Variants in ZNF423 observed in about 807,000 individuals in gnomAD.
The protein encoded by ZNF423 is zinc finger protein 423.
In ZNF423, 12 loss-of-function variants were observed where a neutral mutation model predicts 95.8. The ratio of observed to expected loss-of-function variants is 0.13; its 90% CI spans 0.08 to 0.20. The LOEUF is 0.20. Among genes scored for constraint, ZNF423 ranks in the 10% least tolerant of loss-of-function variants. ZNF423 has a pLI of 1.00. For synonymous variants in ZNF423, 749 were observed against 711.9 expected (o/e 1.05, Z -0.83); for missense variants, 1,316 against 1,737.1 (o/e 0.76, Z 4.31).
intron 5 of ZNF423, among the ~76,000 whole-genome samples, chr16:49,618,315 C>A (rs1971944910): frequency 6.6e-6 from 1 of 152,186 alleles, no homozygotes. Context: ...GAGTAAGCTT[C>A]ATTAGATGGT....
chr16:49,644,597 A>G (rs1223142897), intron 3 of ZNF423, among the ~76,000 whole-genome samples: 2 of 131,514 alleles, frequency 1.5e-5, no homozygotes, highest in Non-Finnish European at 3.1e-5. Flanking sequence ...CATGAGTTTG[A>G]GGCCGCAGTG....
intron 4 of ZNF423, among the ~76,000 whole-genome samples, chr16:49,631,189 C>T (rs1279224812): frequency 6.6e-6 from 1 of 152,178 alleles, no homozygotes; most frequent in East Asian, 1.9e-4. Flanking sequence ...CCGGTACTCC[C>T]AAATACGCCC....
intron 5 of ZNF423, among the ~76,000 whole-genome samples, chr16:49,530,444 GTCCC>G (rs903531759): frequency 4.6e-5 from 7 of 151,810 alleles, no homozygotes; most frequent in African/African-American, 1.7e-4. Flanking sequence ...CATTCCCTCC[GTCCC>G]TCCCTCCCTC....
intron 1 of ZNF423, among the ~76,000 whole-genome samples, chr16:49,815,866 CAAACAAAAAAAAA>C (rs1221666956): frequency 1.7e-5 from 1 of 57,928 alleles, no homozygotes; most frequent in African/African-American, 8.7e-5. Flanking sequence ...TAATTCCAAA[CAAACAAAAAAAAA>C]AAATATATAT....
At chr16:49,517,552 G>A (rs989020628) in intron 7 of ZNF423, among the ~76,000 whole-genome samples, 2 of 152,162 alleles carry the variant, frequency 1.3e-5, no homozygotes, top group Admixed American at 6.5e-5. Context: ...GTATATGTGG[G>A]TGAGGGTACA....
upstream of ZNF423, among the ~76,000 whole-genome samples, chr16:49,858,270 C>G (rs1597069747): frequency 6.7e-6 from 1 of 149,802 alleles, no homozygotes; most frequent in Non-Finnish European, 1.5e-5. This position sits in a 1 kb window ranked among gnomAD's most constrained non-coding sequence, Gnocchi z 4.3. Context: ...AGGGTGCCCG[C>G]GCCCCGCCGC....
chr16:49,503,281 A>G (rs1327870815), intron 7 of ZNF423, among the ~76,000 whole-genome samples: 1 of 152,062 alleles, frequency 6.6e-6, no homozygotes, highest in African/African-American at 2.4e-5. Flanking sequence ...TGAGAAAACA[A>G]CGTGAAGCAC....
chr16:49,514,960 G>A (rs890586900), intron 7 of ZNF423, among the ~76,000 whole-genome samples: 1 of 152,244 alleles, frequency 6.6e-6, no homozygotes, highest in Admixed American at 6.5e-5. Context: ...GATCCCAGAA[G>A]TTCTATGTCT....
chr16:49,559,243 T>C (rs1969939008), intron 5 of ZNF423, among the ~76,000 whole-genome samples: 1 of 152,248 alleles, frequency 6.6e-6, no homozygotes, highest in South Asian at 2.1e-4. Context: ...AGCCCTGGGA[T>C]ATTGCCACTT....
chr16:49,670,011 C>A (rs2030735247), intron 3 of ZNF423, among the ~76,000 whole-genome samples: 2 of 152,240 alleles, frequency 1.3e-5, no homozygotes, highest in South Asian at 4.1e-4. Context: ...CAAGGGCAAG[C>A]CCCATCTGTC....
intron 1 of ZNF423, among the ~76,000 whole-genome samples, chr16:49,793,815 G>A (rs754081200): frequency 1.3e-5 from 2 of 152,148 alleles, no homozygotes; most frequent in African/African-American, 2.4e-5. Flanking sequence ...GGGTGGATGT[G>A]AATACACAGG....
At chr16:49,578,078 A>G (rs1231911410) in intron 5 of ZNF423, among the ~76,000 whole-genome samples, 2 of 152,176 alleles carry the variant, frequency 1.3e-5, no homozygotes, top group African/African-American at 4.8e-5. Flanking sequence ...CAAGATCCTC[A>G]TTTCTCTGGG....
At chr16:49,851,499 C>T (rs894052896) in intron 1 of ZNF423, among the ~76,000 whole-genome samples, 8 of 152,218 alleles carry the variant, frequency 5.3e-5, no homozygotes, top group African/African-American at 1.9e-4. Context: ...TTAGATTGAA[C>T]CAGATCCCCA....
At chr16:49,665,982 G>A (rs559461174) in intron 3 of ZNF423, among the ~76,000 whole-genome samples, 13 of 152,254 alleles carry the variant, frequency 8.5e-5, no homozygotes, top group Admixed American at 2.6e-4. Context: ...TGGCTGTCCC[G>A]AGTGGGCCCC....
intron 3 of ZNF423, among the ~76,000 whole-genome samples, chr16:49,687,733 G>C (rs1416837279): frequency 6.6e-6 from 1 of 152,198 alleles, no homozygotes; most frequent in East Asian, 1.9e-4. Context: ...AGGCCACCAG[G>C]TTCCGTCCTG....
intron 3 of ZNF423, among the ~76,000 whole-genome samples, chr16:49,674,074 A>G (rs1361830048): frequency 6.6e-6 from 1 of 152,254 alleles, no homozygotes; most frequent in Non-Finnish European, 1.5e-5. Flanking sequence ...TGGCACTCTG[A>G]GAACAAAAAT....
intron 3 of ZNF423, among the ~76,000 whole-genome samples, chr16:49,696,463 T>C (rs1045660813): frequency 6.6e-6 from 1 of 152,162 alleles, no homozygotes; most frequent in Non-Finnish European, 1.5e-5. Context: ...TGGTGCCAGA[T>C]TCCAAAAACC....
chr16:49,668,302 C>T (rs1043507334), intron 3 of ZNF423, among the ~76,000 whole-genome samples: 8 of 152,148 alleles, frequency 5.3e-5, no homozygotes, highest in Admixed American at 2.6e-4. Context: ...ACTGAGGCCC[C>T]GAAATGGCAG....
At position 49,636,194 on chromosome 16, in the gene ZNF423, G is replaced by A; in HGVS notation, c.2982C>T (p.Asp994=). 1 of 1,613,458 alleles carries A rather than the reference G, an allele frequency of 6.2e-7. No individual in the cohort carries two copies. Among genetic ancestry groups the A allele is most frequent in the South Asian group, 1.1e-5 (1 of 91,078 alleles). Residue 994 remains aspartate, a synonymous_variant, in exon 4 of 8, where the codon GAC becomes GAT. Transcript: ENST00000563137. The surrounding 1 kb of genome is among the most constrained non-coding windows in gnomAD (Gnocchi z 8.6). ...TCTTGCAGATGCGACAGGTGCCCGTGTCCAGGCTCTTGCTGTGGGTCACCT... is the reference window on the plus strand; with the variant it reads ...TCTTGCAGATGCGACAGGTGCCCGTATCCAGGCTCTTGCTGTGGGTCACCT... ...EHKVTHSKSL[D]TGTCRICKMP...
Sources: allele counts gnomAD v4.1 joint callset (sites outside exome capture counted in the v4.1 genomes callset), GRCh38; gene constraint gnomAD v4.1.1; non-coding constraint Gnocchi (gnomAD v3.1); transcripts MANE v1.5; gene names NCBI Gene and HGNC (gene_info 2026-07-23, HGNC 2026-07-21).